MAGI3: variants seen among roughly 807,000 people sequenced by gnomAD.
MAGI3 encodes the protein membrane associated guanylate kinase, WW and PDZ domain containing 3.
Under a neutral mutation model 121.8 loss-of-function variants are expected in MAGI3, and 43 were observed. That is an observed-to-expected ratio of 0.35 (90% CI 0.28 to 0.46). The LOEUF (loss-of-function observed/expected upper bound fraction) is 0.46, where lower values mean the gene tolerates loss of function less well. Among genes scored for constraint, MAGI3 ranks in the 20% least tolerant of loss-of-function variants. The probability of loss-of-function intolerance (pLI) is 1.00; values close to 1 mark genes in which losing one functional copy is unlikely to be tolerated. For synonymous variants in MAGI3, 553 were observed against 639.3 expected (o/e 0.86, Z 2.04); for missense variants, 1,547 against 1,797.3 (o/e 0.86, Z 2.52).
chr1:113,657,865 G>A (rs1159731423), intron 15 of MAGI3, among the ~76,000 whole-genome samples: 1 of 152,210 alleles, frequency 6.6e-6, no homozygotes, highest in Non-Finnish European at 1.5e-5. Context: ...TCTATTTTAA[G>A]ATAAAATCTG....
At chr1:113,452,306 G>A (rs964519518) in intron 1 of MAGI3, among the ~76,000 whole-genome samples, 2 of 152,050 alleles carry the variant, frequency 1.3e-5, no homozygotes, top group African/African-American at 4.8e-5. Context: ...TGATCCGAAA[G>A]CTGCTTCATT....
At chr1:113,677,651 C>A (rs2101031804) in intron 19 of MAGI3, among the ~76,000 whole-genome samples, 1 of 152,232 alleles carries the variant, frequency 6.6e-6, no homozygotes, top group Non-Finnish European at 1.5e-5. Context: ...ACAAGACTGC[C>A]TATAAAAAAA....
chr1:113,670,630 TTGATGA>T (rs536306459), intron 16 of MAGI3, among the ~76,000 whole-genome samples: 2 of 152,052 alleles, frequency 1.3e-5, no homozygotes, highest in Non-Finnish European at 1.5e-5. Flanking sequence ...AGATATCATT[TTGATGA>T]TGATGATGAT....
chr1:113,456,231 C>G (rs575725278), intron 1 of MAGI3, among the ~76,000 whole-genome samples: 286 of 150,898 alleles, frequency 1.9e-3, no homozygotes, highest in African/African-American at 6.5e-3. Context: ...TCCCAAAGTG[C>G]TGGGATTACA....
At chr1:113,576,429 G>T (rs1362383034) in intron 2 of MAGI3, among the ~76,000 whole-genome samples, 1 of 152,132 alleles carries the variant, frequency 6.6e-6, no homozygotes, top group Non-Finnish European at 1.5e-5. Flanking sequence ...CTGGCTCCTT[G>T]TGCTTCCTGG....
At chr1:113,448,651 A>T (rs1654302035) in intron 1 of MAGI3, among the ~76,000 whole-genome samples, 1 of 152,028 alleles carries the variant, frequency 6.6e-6, no homozygotes, top group Non-Finnish European at 1.5e-5. Context: ...TTATGGTATT[A>T]TGATCTAAAT....
At chr1:113,548,751 C>G (rs1239901889) in intron 1 of MAGI3, among the ~76,000 whole-genome samples, 2 of 152,196 alleles carry the variant, frequency 1.3e-5, no homozygotes, top group Non-Finnish European at 2.9e-5. Context: ...AAATCTCACT[C>G]TGGCTTCTAA....
At chr1:113,573,137 G>A (rs1647414146) in intron 2 of MAGI3, among the ~76,000 whole-genome samples, 1 of 152,144 alleles carries the variant, frequency 6.6e-6, no homozygotes, top group Non-Finnish European at 1.5e-5. Context: ...GTTTTAGCCA[G>A]GATGGTCTCG....
chr1:113,634,904 T>A (rs1470567008), intron 9 of MAGI3, among the ~76,000 whole-genome samples: 4 of 152,162 alleles, frequency 2.6e-5, no homozygotes, highest in Admixed American at 2.6e-4. Flanking sequence ...CCTCTTTTAT[T>A]TCATTGAGCA....
At chr1:113,665,838 CT>C (rs1364461617) in intron 16 of MAGI3, among the ~76,000 whole-genome samples, 8 of 152,008 alleles carry the variant, frequency 5.3e-5, no homozygotes, top group Admixed American at 5.2e-4. Flanking sequence ...AATACACTTT[CT>C]TTTAAGTGTA....
At chr1:113,671,311 C>T (rs962935360) in intron 16 of MAGI3, among the ~76,000 whole-genome samples, 2 of 152,104 alleles carry the variant, frequency 1.3e-5, no homozygotes, top group Middle Eastern at 3.2e-3. Flanking sequence ...GGTTTGCAGA[C>T]TGGCCTCCGT....
chr1:113,636,008 T>A (rs952282526), intron 9 of MAGI3, among the ~76,000 whole-genome samples: 2 of 152,180 alleles, frequency 1.3e-5, no homozygotes. Flanking sequence ...TCTAGTTTAT[T>A]TGCGTAGAGG....
At chr1:113,504,900 G>A (rs901944520) in intron 1 of MAGI3, among the ~76,000 whole-genome samples, 2 of 152,124 alleles carry the variant, frequency 1.3e-5, no homozygotes, top group East Asian at 1.9e-4. Flanking sequence ...GGGACTTTCT[G>A]TGAGGTACTG....
chr1:113,489,080 G>A (rs1448740924), intron 1 of MAGI3, among the ~76,000 whole-genome samples: 2 of 152,168 alleles, frequency 1.3e-5, no homozygotes, highest in East Asian at 1.9e-4. Context: ...ATGCAAATGA[G>A]GATGGATCCT....
intron 1 of MAGI3, among the ~76,000 whole-genome samples, chr1:113,511,930 C>A (rs1395466303): frequency 1.3e-5 from 2 of 152,184 alleles, no homozygotes; most frequent in Non-Finnish European, 2.9e-5. Flanking sequence ...CATTAAACAG[C>A]ATTATTGTGA....
intron 1 of MAGI3, among the ~76,000 whole-genome samples, chr1:113,442,713 G>A (rs551222146): frequency 3.1e-4 from 47 of 151,688 alleles, no homozygotes; most frequent in Non-Finnish European, 5.7e-4. Context: ...GGGCTCAAGG[G>A]ATCCTCCCAC....
At chr1:113,467,739 T>G (rs961555946) in intron 1 of MAGI3, among the ~76,000 whole-genome samples, 1 of 152,084 alleles carries the variant, frequency 6.6e-6, no homozygotes, top group Non-Finnish European at 1.5e-5. Flanking sequence ...CTTGTTATGT[T>G]GCCCAGGCTG....
intron 3 of MAGI3, among the ~76,000 whole-genome samples, chr1:113,584,615 T>C (rs1334233046): frequency 1.3e-5 from 2 of 152,210 alleles, no homozygotes; most frequent in East Asian, 3.8e-4. Context: ...TACTTCCTCA[T>C]TTTACCAAAA....
chr1:113,642,850 G>A (rs1352212931), intron 10 of MAGI3, among the ~76,000 whole-genome samples: 1 of 152,140 alleles, frequency 6.6e-6, no homozygotes, highest in African/African-American at 2.4e-5. Context: ...CTCTGTTGAT[G>A]ACAGTAATAG....
Sources: gnomAD v4.1 joint callset for allele counts (sites outside exome capture counted in the v4.1 genomes callset) on GRCh38, gnomAD v4.1.1 for gene constraint, MANE v1.5 for transcripts, NCBI Gene and HGNC (gene_info 2026-07-23, HGNC 2026-07-21) for gene names.